Variants in ADTRP observed in about 807,000 individuals in gnomAD.
The protein encoded by ADTRP is androgen-dependent TFPI-regulating protein.
Under a neutral mutation model 27.0 loss-of-function variants are expected in ADTRP, and 20 were observed. The observed-to-expected ratio is 0.74, with a 90% CI of 0.52 to 1.08. The LOEUF (loss-of-function observed/expected upper bound fraction) is 1.08, where lower values mean the gene tolerates loss of function less well. Ranked by LOEUF, ADTRP falls within the 50% of genes least tolerant of loss-of-function variation. The probability of loss-of-function intolerance (pLI) is 0.00; values close to 1 mark genes in which losing one functional copy is unlikely to be tolerated. For synonymous variants in ADTRP, 101 were observed against 105.2 expected (o/e 0.96, Z 0.25); for missense variants, 251 against 275.0 (o/e 0.91, Z 0.62).
chr6:11,778,667 C>A lies in ADTRP; in HGVS notation c.93G>T (p.Glu31Asp). ...CATTTGCCAAGATTTTGGGTTTCAC[C>A]TCGTCTTTTCCTTCCTGTGAGATGT... Reference protein sequence around the residue: ...NYYISQEGKDEVKPKILANGA... With the variant: ...NYYISQEGKDDVKPKILANGA... Residue 31 changes from glutamate (E) to aspartate (D), a missense_variant, in exon 1 of 6, where the codon GAG becomes GAT. Coordinates refer to ENST00000414691, the MANE Select transcript of ADTRP (RefSeq NM_032744.4). 6.2e-7 allele frequency: 1 copy of A among 1,614,158 alleles called. No individual in the cohort carries two copies. The highest frequency in any genetic ancestry group is 1.3e-5 in the African/African-American group (1 of 75,028).
intron 5 of ADTRP, among the ~76,000 whole-genome samples, chr6:11,721,193 T>A (rs1446991098): frequency 1.3e-5 from 2 of 152,102 alleles, no homozygotes. Context: ...TTGAAATGCA[T>A]GAGTATGAAC....
chr6:11,758,991 G>A (rs546558873), intron 3 of ADTRP, among the ~76,000 whole-genome samples: 83 of 152,242 alleles, frequency 5.5e-4, no homozygotes, highest in African/African-American at 1.9e-3. Flanking sequence ...TTCCAGGCCC[G>A]TGTTGCAGAG....
At chr6:11,770,239 C>CTAATGTA (rs1221472796) in intron 1 of ADTRP, 1 of 711,246 alleles carries the variant, frequency 1.4e-6, no homozygotes, top group South Asian at 1.7e-5. Context: ...CCCAGAGATT[C>CTAATGTA]TAATGTAATC....
intron 1 of ADTRP, among the ~76,000 whole-genome samples, chr6:11,772,763 C>T (rs557835062): frequency 6.6e-6 from 1 of 152,180 alleles, no homozygotes; most frequent in African/African-American, 2.4e-5. Context: ...GGGGCAGGTA[C>T]TTTGCCAAGT....
intron 4 of ADTRP, among the ~76,000 whole-genome samples, chr6:11,733,809 C>T (rs538491251): frequency 5.9e-5 from 9 of 152,256 alleles, no homozygotes; most frequent in African/African-American, 1.9e-4. Flanking sequence ...TGGGGACACC[C>T]GCCCAGGTAC....
At chr6:11,748,869 C>T (rs906493963) in intron 3 of ADTRP, among the ~76,000 whole-genome samples, 1 of 152,192 alleles carries the variant, frequency 6.6e-6, no homozygotes, top group Non-Finnish European at 1.5e-5. Flanking sequence ...GAGAGAAGCT[C>T]AATCTGTGTC....
chr6:11,766,769 C>T (rs1763585882), intron 2 of ADTRP, among the ~76,000 whole-genome samples: 1 of 152,140 alleles, frequency 6.6e-6, no homozygotes, highest in Non-Finnish European at 1.5e-5. Context: ...ATACACGTTC[C>T]TTGTCCACCC....
At chr6:11,757,880 A>G (rs1202957817) in intron 3 of ADTRP, among the ~76,000 whole-genome samples, 1 of 152,194 alleles carries the variant, frequency 6.6e-6, no homozygotes, top group Non-Finnish European at 1.5e-5. Context: ...GAACTGTGTG[A>G]GAATACATTT....
intron 3 of ADTRP, among the ~76,000 whole-genome samples, chr6:11,764,643 G>A (rs959287473): frequency 2.0e-5 from 3 of 151,668 alleles, no homozygotes; most frequent in Admixed American, 1.3e-4. Context: ...AAACCAGATC[G>A]AATCACAAGT....
At chr6:11,767,779 T>C (rs1763622917) in intron 2 of ADTRP, 1 of 153,512 alleles carries the variant, frequency 6.5e-6, no homozygotes, top group Non-Finnish European at 1.4e-5. Context: ...CTTTTCCATG[T>C]GCCACCTTTG....
chr6:11,739,962 A>G (rs1367314958), intron 3 of ADTRP, among the ~76,000 whole-genome samples: 2 of 152,232 alleles, frequency 1.3e-5, no homozygotes, highest in Non-Finnish European at 2.9e-5. Flanking sequence ...TACATATTGC[A>G]AAATCAGATG....
intron 3 of ADTRP, among the ~76,000 whole-genome samples, chr6:11,756,204 AC>A (rs1763209786): frequency 6.6e-6 from 1 of 152,258 alleles, no homozygotes; most frequent in East Asian, 1.9e-4. Flanking sequence ...TCTAGCAAAC[AC>A]AAAAAATTAG....
rs73721806 is a variant in ADTRP at position 11,768,108 on chromosome 6, G to A, written c.288+141C>T. 3,767 of 987,922 alleles carry A rather than the reference G, an allele frequency of 3.8e-3. 108 individuals are homozygous for A. The African/African-American group carries it at 0.052, about 14-fold the overall frequency. 61.2% of individuals were successfully genotyped at this position (987,922 alleles called of 1,614,324 possible). On this transcript the variant is annotated intron_variant, in intron 2 of 5. Transcript: ENST00000414691. The stretch of plus-strand genomic sequence containing the variant: ...TCCTAAAGACACTGGGCAATGTGGC[G>A]CAGTCCTCAGACAGGACATTGTTGT...
At chr6:11,743,067 G>A (rs1762766134) in intron 3 of ADTRP, among the ~76,000 whole-genome samples, 2 of 152,186 alleles carry the variant, frequency 1.3e-5, no homozygotes, top group Admixed American at 1.3e-4. Context: ...TATTTGCAAG[G>A]CTGTGGCCCG....
At chr6:11,730,896 G>A (rs1371650340) in intron 4 of ADTRP, among the ~76,000 whole-genome samples, 1 of 152,232 alleles carries the variant, frequency 6.6e-6, no homozygotes, top group South Asian at 2.1e-4. Flanking sequence ...CAGCTGGGGT[G>A]GTTGCTGTGG....
In ADTRP at chr6:11,759,913, A is replaced by T. The variant is rs112079545; in HGVS notation, c.390+6361T>A. Among the ~76,000 whole-genome samples the T allele has an allele frequency of 2.8e-3, 425 of 152,214 alleles. 2 individuals carry two copies. Among genetic ancestry groups the T allele is most frequent in the African/African-American group, 9.9e-3 (413 of 41,534 alleles). On this transcript the variant is annotated intron_variant, in intron 3 of 5. Coordinates refer to ENST00000414691, the MANE Select transcript of ADTRP (RefSeq NM_032744.4). ...GCAGAGGCTGCAGTGGTGTGCTTTG[A>T]AGGAGGAGGAGGAAAGGGCTATGAG... is the stretch of plus-strand genomic sequence containing the variant.
intron 3 of ADTRP, among the ~76,000 whole-genome samples, chr6:11,747,297 T>A (rs1024068343): frequency 5.9e-5 from 9 of 152,330 alleles, no homozygotes; most frequent in Middle Eastern, 3.4e-3. Context: ...CTTTTATTCA[T>A]AACCAATTTG....
rs1174575530 is a variant in ADTRP at position 11,735,573 on chromosome 6, G to A, written c.501C>T (p.Ile167=). The part of the protein sequence containing the change: ...TLLAAASIAY[I]SRILWLYFET... The stretch of plus-strand genomic sequence containing the variant: ...TTTCTCCATGTAATTCTTACCGGCT[G>A]ATGTAAGCAATGCTGGCAGCAGCCA... Residue 167 remains isoleucine (I), a synonymous_variant, in exon 4 of 6, where the codon ATC becomes ATT. Coordinates refer to ENST00000414691, the MANE Select transcript of ADTRP (RefSeq NM_032744.4). 1.2e-6 allele frequency: 2 copies of A among 1,611,058 alleles called. No homozygotes were observed. Among genetic ancestry groups the A allele is most frequent in the East Asian group, 2.2e-5 (1 of 44,880 alleles).
intron 3 of ADTRP, among the ~76,000 whole-genome samples, chr6:11,759,755 T>C (rs941310156): frequency 6.6e-6 from 1 of 152,204 alleles, no homozygotes; most frequent in East Asian, 1.9e-4. Flanking sequence ...GAAGATGTAA[T>C]TAAATTAAGG....
Sources: allele counts gnomAD v4.1 joint callset (sites outside exome capture counted in the v4.1 genomes callset), GRCh38; gene constraint gnomAD v4.1.1; transcripts MANE v1.5; gene names NCBI Gene and HGNC (gene_info 2026-07-23, HGNC 2026-07-21).